The following TMED8 variants were observed in gnomAD, a reference collection of about 807,000 sequenced individuals.
TMED8 encodes transmembrane p24 trafficking protein family member 8, also known as protein TMED8.
A neutral mutation model predicts 32.7 loss-of-function variants in TMED8; 15 were observed. The ratio of observed to expected loss-of-function variants is 0.46; its 90% confidence interval spans 0.31 to 0.71. The LOEUF (loss-of-function observed/expected upper bound fraction) is 0.71, where lower values mean the gene tolerates loss of function less well. Ranked by LOEUF, TMED8 falls within the 30% of genes least tolerant of loss-of-function variation. The pLI is 0.06. For synonymous variants in TMED8, 147 were observed against 161.4 expected, an observed-to-expected ratio of 0.91 and a Z score of 0.68; for missense variants, 390 against 423.9, an observed-to-expected ratio of 0.92 and a Z score of 0.70.
intron 1 of TMED8, among the ~76,000 whole-genome samples, chr14:77,372,906 TTATATATA>T (rs1167584417): frequency 0.03 from 1,045 of 35,210 alleles, 16 homozygotes; most frequent in Admixed American, 0.038. Flanking sequence ...GCCACAGATA[TTATATATA>T]TATATATATA....
intron 1 of TMED8, among the ~76,000 whole-genome samples, chr14:77,369,529 T>C (rs989821720): frequency 5.3e-5 from 8 of 152,184 alleles, no homozygotes; most frequent in Non-Finnish European, 1.2e-4. Context: ...TCCTGAACAC[T>C]AATCCATTTC....
chr14:77,343,622 C>T (rs1177232340), intron 4 of TMED8, 75 bp downstream of exon 4: 1 of 1,594,600 alleles, frequency 6.3e-7, no homozygotes, highest in African/African-American at 1.3e-5. Context: ...TCTTTCCTTC[C>T]ATTTGTCTGT....
At chr14:77,365,249 G>A (rs938171856) in intron 1 of TMED8, among the ~76,000 whole-genome samples, 2 of 152,220 alleles carry the variant, frequency 1.3e-5, no homozygotes, top group East Asian at 1.9e-4. Flanking sequence ...CTATATGTCA[G>A]GCAGTATATT....
At chr14:77,369,522 T>G (rs1454529511) in intron 1 of TMED8, among the ~76,000 whole-genome samples, 1 of 152,228 alleles carries the variant, frequency 6.6e-6, no homozygotes, top group Non-Finnish European at 1.5e-5. Flanking sequence ...TGACGGGTCC[T>G]GAACACTAAT....
At chr14:77,351,776 T>G (rs1043625826) in intron 1 of TMED8, 25 bp from the exon 2 acceptor site, 1 of 1,577,480 alleles carries the variant, frequency 6.3e-7, no homozygotes, top group East Asian at 2.2e-5. Context: ...AAAGAAAGAA[T>G]TCAATATCTG....
chr14:77,341,420 A>G lies in TMED8; in HGVS notation c.*351T>C, dbSNP rs1333856202. ...GGCAATAAGGGCTGTGGGAGAGGAG[A>G]GGGCAGCAATCTGAATGATAAACCT... On this transcript the variant is annotated 3_prime_UTR_variant, in exon 6 of 6. Coordinates refer to ENST00000216468, the MANE Select transcript of TMED8 (RefSeq NM_213601.3). 7.2e-6 allele frequency: 2 copies of G among 278,484 alleles called. No individual in the cohort carries two copies. Among genetic ancestry groups the G allele is most frequent in the Non-Finnish European group, 1.4e-5 (2 of 142,768 alleles). The allele number at this position is 278,484 out of a possible 1,614,324, so 17.3% of individuals were successfully genotyped here.
chr14:77,372,094 A>G (rs138450636), intron 1 of TMED8, among the ~76,000 whole-genome samples: 155 of 152,348 alleles, frequency 1.0e-3, no homozygotes, highest in Admixed American at 1.6e-3. Flanking sequence ...ATGGTTCCTC[A>G]GTGGCCGAAA....
In TMED8 at chr14:77,335,158, T is replaced by G. The variant is rs987825507; in HGVS notation, c.*6613A>C. 4 of 152,110 alleles carry G rather than the reference T, an allele frequency of 2.6e-5. No individual in the cohort carries two copies. Among genetic ancestry groups the G allele is most frequent in the African/African-American group, 9.7e-5 (4 of 41,422 alleles). 9.4% of individuals were successfully genotyped at this position (152,110 alleles called of 1,614,324 possible). A position where few individuals can be genotyped will look rare whatever the true frequency, so the allele number is the denominator to read the frequency against. ...ACTGAGCTACTTGAAGAAGCACAGC[T>G]CAGAATCATCAGTGTAATCGCAGTA... On this transcript the variant is annotated 3_prime_UTR_variant, in exon 6 of 6. Transcript: ENST00000216468.
intron 1 of TMED8, among the ~76,000 whole-genome samples, chr14:77,361,260 G>A (rs1893427651): frequency 6.6e-6 from 1 of 152,130 alleles, no homozygotes; most frequent in Admixed American, 6.5e-5. Context: ...GGGATTACAG[G>A]CATGAGCCAC....
chr14:77,351,687 G>A lies in TMED8; in HGVS notation c.183C>T (p.Cys61=). Residue 61 remains cysteine, a synonymous_variant, in exon 2 of 6, where the codon TGC becomes TGT. Transcript: ENST00000216468. The part of the protein sequence containing the change: ...LLASATDPEP[C]SSPHRPQMVS... ...AAAGTGGTTACCTGTGGGGTGAGGA[G>A]CAGGGTTCTGGATCGGTGGCAGAAG... The A allele has an allele frequency of 6.2e-7, 1 of 1,613,412 alleles. No homozygotes were observed.
chr14:77,367,305 T>TGTAGAA (rs1469822810), intron 1 of TMED8, among the ~76,000 whole-genome samples: 8 of 123,702 alleles, frequency 6.5e-5, no homozygotes, highest in African/African-American at 2.5e-4. Flanking sequence ...ATAACGCAAA[T>TGTAGAA]GTAGAAGAGT....
intron 1 of TMED8, among the ~76,000 whole-genome samples, chr14:77,372,498 G>C (rs1893696330): frequency 6.6e-6 from 1 of 152,148 alleles, no homozygotes; most frequent in African/African-American, 2.4e-5. Flanking sequence ...CTAAAAGCAG[G>C]CTATGTGGTT....
chr14:77,357,129 C>T (rs1893307953), intron 1 of TMED8, among the ~76,000 whole-genome samples: 1 of 152,152 alleles, frequency 6.6e-6, no homozygotes. Context: ...ACATTTTCAC[C>T]ATCAAAGCAA....
chr14:77,368,455 A>G (rs921125287), intron 1 of TMED8, among the ~76,000 whole-genome samples: 7 of 151,520 alleles, frequency 4.6e-5, no homozygotes, highest in African/African-American at 1.7e-4. Context: ...TTATTACTGG[A>G]TTGTCCTTTT....
chr14:77,364,574 C>T (rs1893508767), intron 1 of TMED8, among the ~76,000 whole-genome samples: 1 of 152,150 alleles, frequency 6.6e-6, no homozygotes, highest in Non-Finnish European at 1.5e-5. Context: ...GTTGCCCAGG[C>T]TGGAGTCTGG....
intron 1 of TMED8, among the ~76,000 whole-genome samples, chr14:77,353,584 G>A (rs1483453524): frequency 6.6e-6 from 1 of 151,164 alleles, no homozygotes; most frequent in Admixed American, 6.6e-5. Context: ...CTGAGTAGCT[G>A]GGACCACAGG....
At chr14:77,372,936 ATATATATATATATATATTTTTTT>A (rs1893717147) in intron 1 of TMED8, among the ~76,000 whole-genome samples, 8 of 30,658 alleles carry the variant, frequency 2.6e-4, no homozygotes, top group African/African-American at 1.5e-3. Context: ...ATATATATAT[ATATATATATATATATATTTTTTT>A]TTTTTTTTTT....
Position 77,343,400 on chromosome 14 carries a change from T to G in TMED8, c.538A>C (p.Asn180His). ...EFKSKLGKEK[N>H]SRLVVKRGEV... is the part of the protein sequence containing the mutation. Reference sequence around the variant, plus strand: ...CCACGCTTCACCACCAGACGGCTGTTCTTCTCTTTGCCCAGCTTGCTTTTG... The same window carrying G: ...CCACGCTTCACCACCAGACGGCTGTGCTTCTCTTTGCCCAGCTTGCTTTTG... Residue 180 changes from asparagine (N) to histidine (H), a missense_variant, in exon 5 of 6, where the codon AAC becomes CAC. Coordinates refer to ENST00000216468, the MANE Select transcript of TMED8 (RefSeq NM_213601.3). 1 of 1,614,098 alleles carries G rather than the reference T, an allele frequency of 6.2e-7. No homozygotes were observed. The highest frequency in any genetic ancestry group is 1.7e-5 in the Admixed American group (1 of 60,008).
At chr14:77,366,971 G>A (rs1594853253) in intron 1 of TMED8, among the ~76,000 whole-genome samples, 2 of 152,042 alleles carry the variant, frequency 1.3e-5, no homozygotes, top group Admixed American at 6.6e-5. Flanking sequence ...TAGGCTGGGC[G>A]CAGTGGCTTA....
Sources: allele counts gnomAD v4.1 joint callset (sites outside exome capture counted in the v4.1 genomes callset), GRCh38; gene constraint gnomAD v4.1.1; transcripts MANE v1.5; gene names NCBI Gene and HGNC (gene_info 2026-07-23, HGNC 2026-07-21).